The following ZNF516 variants were observed in gnomAD, a reference collection of about 807,000 sequenced individuals.
The protein encoded by ZNF516 is zinc finger protein 516.
Under a neutral mutation model 79.7 loss-of-function variants are expected in ZNF516, and 19 were observed. The ratio of observed to expected loss-of-function variants is 0.24; its 90% CI spans 0.17 to 0.35. The LOEUF (loss-of-function observed/expected upper bound fraction) is 0.35. ZNF516 is among the 10% of genes least tolerant of loss of function. The pLI, the probability that ZNF516 is intolerant of heterozygous loss-of-function variation, is 1.00. For missense variants in ZNF516, 1,678 were observed against 1,679.5 expected, an observed-to-expected ratio of 1.00 and a Z score of 0.02; for synonymous variants, 877 against 739.5, an observed-to-expected ratio of 1.19 and a Z score of -3.02.
chr18:76,484,672 T>C (rs1299913088), intron 1 of ZNF516, among the ~76,000 whole-genome samples: 1 of 152,222 alleles, frequency 6.6e-6, no homozygotes, highest in Non-Finnish European at 1.5e-5. Context: ...CCCCTTAATG[T>C]TCACAGCTAA....
At chr18:76,426,325 T>C (rs76886348) in intron 3 of ZNF516, among the ~76,000 whole-genome samples, 2,637 of 152,300 alleles carry the variant, frequency 0.017, 90 homozygotes, top group African/African-American at 0.061. Context: ...AAAAGGAGTG[T>C]GCTCAACAGG....
chr18:76,379,127 G>A lies in ZNF516; in HGVS notation c.2987C>T (p.Pro996Leu). The A allele has an allele frequency of 1.2e-6, 2 of 1,612,604 alleles. No homozygotes were observed. Among genetic ancestry groups the A allele is most frequent in the East Asian group, 4.5e-5 (2 of 44,858 alleles). The change falls in exon 4 of 7, where the codon CCT (proline) becomes CTT (leucine). Residue 996 changes from proline to leucine, a missense_variant. Pro to Leu is a moderately conservative substitution (Grantham distance 98). Transcript: ENST00000443185. ...PPAKGEGGAP[P>L]LPPREPPSKA... Reference sequence around the variant, plus strand: ...CGAGGGGGGCTCGCGGGGAGGTAGAGGAGGAGCGCCCCCTTCGCCCTTTGC... The same window carrying A: ...CGAGGGGGGCTCGCGGGGAGGTAGAAGAGGAGCGCCCCCTTCGCCCTTTGC...
At position 76,459,815 on chromosome 18, in the gene ZNF516, G is replaced by A. The variant is rs1051020124; in HGVS notation, c.-158+3213C>T. 1.3e-5 allele frequency among the ~76,000 whole-genome samples: 2 copies of A among 152,158 alleles called. No homozygotes were observed. Among genetic ancestry groups the A allele is most frequent in the Non-Finnish European group, 2.9e-5 (2 of 68,030 alleles). On this transcript the variant is annotated intron_variant, in intron 2 of 6. Transcript: ENST00000443185. The surrounding 1 kb of genome is among the most constrained non-coding windows in gnomAD (Gnocchi z 5.0). Reference sequence around the variant, plus strand: ...CAGGCCCCCGGAGACGAGGTTAGACGGTGGCAGGCAGGCTAAGAACAGGCG... The same window carrying A: ...CAGGCCCCCGGAGACGAGGTTAGACAGTGGCAGGCAGGCTAAGAACAGGCG...
At chr18:76,413,567 A>G (rs987258030) in intron 3 of ZNF516, among the ~76,000 whole-genome samples, 28 of 152,158 alleles carry the variant, frequency 1.8e-4, no homozygotes, top group African/African-American at 6.3e-4. Flanking sequence ...TTTGTTTCAA[A>G]AAAAAAATTA....
chr18:76,441,819 C>G lies in ZNF516; in HGVS notation c.1236G>C (p.Pro412=). The G allele has an allele frequency of 1.3e-6, 2 of 1,564,218 alleles. No individual in the cohort carries two copies. Among genetic ancestry groups the G allele is most frequent in the Non-Finnish European group, 8.6e-7 (1 of 1,161,918 alleles). Residue 412 remains proline, a synonymous_variant, in exon 3 of 7, where the codon CCG becomes CCC. Transcript: ENST00000443185. The stretch of plus-strand genomic sequence containing the variant: ...GCTGCCAGGCCTGGTAGCTGTTGAC[C>G]GGGTCCAGCTCAGCCACCCGCCGTC... ...QAGRRVAELD[P]VNSYQAWQLA...
Position 76,402,033 on chromosome 18 carries a change from G to A in ZNF516, c.1811-21730C>T, listed in dbSNP as rs981141920. Among the ~76,000 whole-genome samples, 7 of 152,138 alleles carry A rather than the reference G, an allele frequency of 4.6e-5. No individual in the cohort carries two copies. The East Asian group carries it at 1.2e-3, about 26-fold the overall frequency. On this transcript the variant is annotated intron_variant, in intron 3 of 6. Transcript: ENST00000443185. ...CGTTTGTGTGTACACGTGCGCGCATGTGTGCACGTGAACGTGACCAGTGGT... is the reference window on the plus strand; with the variant it reads ...CGTTTGTGTGTACACGTGCGCGCATATGTGCACGTGAACGTGACCAGTGGT...
intron 3 of ZNF516, among the ~76,000 whole-genome samples, chr18:76,425,676 C>T (rs561150099): frequency 2.6e-5 from 4 of 152,196 alleles, no homozygotes; most frequent in Non-Finnish European, 5.9e-5. Context: ...GACCTAATGC[C>T]CCGTGGTCGG....
At chr18:76,373,317 A>G (rs1039793803) in intron 4 of ZNF516, among the ~76,000 whole-genome samples, 35 of 151,666 alleles carry the variant, frequency 2.3e-4, no homozygotes, top group African/African-American at 8.0e-4. Flanking sequence ...GAAGGGGAGA[A>G]AGAAAAGAAG....
Position 76,467,225 on chromosome 18 carries a change from AG to A in ZNF516, c.-271-4085del, listed in dbSNP as rs1913537110. Among the ~76,000 whole-genome samples, 2 of 7,318 alleles carry A rather than the reference AG, an allele frequency of 2.7e-4. No individual in the cohort carries two copies. The highest frequency in any genetic ancestry group is 3.8e-4 in the African/African-American group (2 of 5,324). The allele number at this position is 7,318 out of a possible 152,430, so 4.8% of individuals were successfully genotyped here. A position where few individuals can be genotyped will look rare whatever the true frequency, so the allele number is the denominator to read the frequency against. On this transcript the variant is annotated intron_variant, in intron 1 of 6. Coordinates refer to ENST00000443185, the MANE Select transcript of ZNF516 (RefSeq NM_014643.4). This position sits in a 1 kb window ranked among gnomAD's most constrained non-coding sequence, Gnocchi z 4.2. ...CAGCTCACAGCCCCTCTGGGCTGGC[AG>A]GAAGTCCTGCGTGTCTCTCGGAACC...
chr18:76,485,604 G>T (rs1013641843), intron 1 of ZNF516, among the ~76,000 whole-genome samples: 1 of 152,124 alleles, frequency 6.6e-6, no homozygotes, highest in Non-Finnish European at 1.5e-5. Flanking sequence ...CTTTGGTGTC[G>T]ACTCGACAGC....
At chr18:76,484,034 T>C (rs1914687263) in intron 1 of ZNF516, among the ~76,000 whole-genome samples, 1 of 152,228 alleles carries the variant, frequency 6.6e-6, no homozygotes, top group Non-Finnish European at 1.5e-5. Context: ...GGGCTCTCCC[T>C]ACACTGCCCT....
chr18:76,406,717 T>C (rs1232087092), intron 3 of ZNF516, among the ~76,000 whole-genome samples: 1 of 152,254 alleles, frequency 6.6e-6, no homozygotes, highest in Non-Finnish European at 1.5e-5. Flanking sequence ...AACACGTTCC[T>C]GTAGACCTAA....
Position 76,442,226 on chromosome 18 carries a change from C to T in ZNF516, c.829G>A (p.Gly277Ser), listed in dbSNP as rs1911714527. Reference protein sequence around the residue: ...MKKHRGSFDHGCHICGRRFKE... With the variant: ...MKKHRGSFDHSCHICGRRFKE... ...AACCTACGGCCGCAGATGTGGCAGC[C>T]GTGGTCGAAGGAGCCCCGGTGCTTC... The change falls in exon 3 of 7, where the codon GGC (glycine) becomes AGC (serine). Residue 277 changes from glycine to serine, a missense_variant. Around this residue, in one of 5 missense-constraint regions of ZNF516, gnomAD observed 17 missense variants for 51.8 expected, o/e 0.33. Coordinates refer to ENST00000443185, the MANE Select transcript of ZNF516 (RefSeq NM_014643.4). 2 of 1,613,782 alleles carry T rather than the reference C, an allele frequency of 1.2e-6. No individual in the cohort carries two copies. Among genetic ancestry groups the T allele is most frequent in the Non-Finnish European group, 1.7e-6 (2 of 1,179,866 alleles).
intron 3 of ZNF516, among the ~76,000 whole-genome samples, chr18:76,436,296 G>A (rs769321405): frequency 9.9e-5 from 15 of 152,242 alleles, no homozygotes; most frequent in Non-Finnish European, 1.6e-4. Context: ...GTTCCCAGCC[G>A]TGTGTGCTTT....
intron 3 of ZNF516, among the ~76,000 whole-genome samples, chr18:76,404,755 A>T (rs2075281334): frequency 1.3e-5 from 2 of 151,958 alleles, no homozygotes; most frequent in South Asian, 4.1e-4. Context: ...GTGCATGAGC[A>T]TATGAGCATC....
In ZNF516 at chr18:76,461,607, T is replaced by A. The variant is rs144074636; in HGVS notation, c.-158+1421A>T. 2.8e-3 allele frequency among the ~76,000 whole-genome samples: 433 copies of A among 152,360 alleles called. 1 individual carries two copies. Among genetic ancestry groups the A allele is most frequent in the African/African-American group, 9.5e-3 (396 of 41,592 alleles). ...ATTCATTTATAGGACACAAACGTTT[T>A]GCAATCTTGCCATCCAAACGTAAAA... On this transcript the variant is annotated intron_variant, in intron 2 of 6. Transcript: ENST00000443185.
At chr18:76,403,748 G>A (rs2075262547) in intron 3 of ZNF516, among the ~76,000 whole-genome samples, 3 of 152,150 alleles carry the variant, frequency 2.0e-5, no homozygotes, top group Admixed American at 1.3e-4. Context: ...CATACCACGA[G>A]CGAAACACAT....
At chr18:76,492,716 A>T in intron 1 of ZNF516, 1 of 985,168 alleles carries the variant, frequency 1.0e-6, no homozygotes, top group Non-Finnish European at 1.2e-6. Context: ...CCAGTTGCTG[A>T]GAAACAATCA....
rs527471436 is a variant in ZNF516 at position 76,437,227 on chromosome 18, G to A, written c.1810+4018C>T. 4.7e-4 allele frequency among the ~76,000 whole-genome samples: 72 copies of A among 152,270 alleles called. 5 individuals are homozygous for A. The South Asian group carries it at 0.015, about 31-fold the overall frequency. On this transcript the variant is annotated intron_variant, in intron 3 of 6. Coordinates refer to ENST00000443185, the MANE Select transcript of ZNF516 (RefSeq NM_014643.4). ...CAGCCTGGCCTTCCTCACAGCCAGCGCACCAGCACGGACAGCCAGCCAGCC... is the reference window on the plus strand; with the variant it reads ...CAGCCTGGCCTTCCTCACAGCCAGCACACCAGCACGGACAGCCAGCCAGCC...
Sources: gnomAD v4.1 joint callset for allele counts (sites outside exome capture counted in the v4.1 genomes callset) on GRCh38, gnomAD v4.1.1 for gene constraint, gnomAD v4.1.1 regional missense constraint, Gnocchi (gnomAD v3.1) non-coding constraint, MANE v1.5 for transcripts, NCBI Gene and HGNC (gene_info 2026-07-23, HGNC 2026-07-21) for gene names.